The following PIH1D1 variants were observed in gnomAD, a reference collection of about 807,000 sequenced individuals.
PIH1D1 encodes the protein PIH1 domain containing 1.
PIH1D1 carries 28 observed loss-of-function variants against 38.5 expected under a neutral mutation model. That is an observed-to-expected ratio of 0.73 (90% CI 0.54 to 1.00). PIH1D1 has a LOEUF of 1.00. Ranked by LOEUF, PIH1D1 falls within the 50% of genes least tolerant of loss-of-function variation. PIH1D1 has a pLI of 0.00. For missense variants in PIH1D1, 343 were observed against 369.9 expected, an observed-to-expected ratio of 0.93 and a Z score of 0.60; for synonymous variants, 155 against 153.5, an observed-to-expected ratio of 1.01 and a Z score of -0.07.
chr19:49,451,673 C>G lies in PIH1D1; in HGVS notation c.-99G>C. ...TGCCTGCTCTGGCCCTCAATCGACT[C>G]CGGATACCTACTATCCTGTTCAAAA... On this transcript the variant is annotated 5_prime_UTR_variant, in exon 1 of 9. Coordinates refer to ENST00000262265, the MANE Select transcript of PIH1D1 (RefSeq NM_017916.3). The G allele has an allele frequency of 1.3e-6, 2 of 1,537,586 alleles. No individual in the cohort carries two copies. The highest frequency in any genetic ancestry group is 1.7e-6 in the Non-Finnish European group (2 of 1,146,878).
At chr19:49,448,223 C>T (rs900797165) in intron 3 of PIH1D1, 161 bp from the exon 4 acceptor site, 4 of 670,116 alleles carry the variant, frequency 6.0e-6, no homozygotes, top group African/African-American at 1.8e-5. Context: ...CTGGACTCTC[C>T]GCCCAGCCTC....
intron 7 of PIH1D1, 106 bp downstream of exon 7, chr19:49,446,918 C>G: frequency 8.7e-7 from 1 of 1,150,900 alleles, no homozygotes; most frequent in African/African-American, 1.5e-5. Context: ...GCAGAGAGGA[C>G]GCAACTGACA....
Position 49,451,585 on chromosome 19 carries a change from A to T in PIH1D1, c.-11T>A. The T allele has an allele frequency of 6.2e-7, 1 of 1,612,476 alleles. No homozygotes were observed. Among genetic ancestry groups the T allele is most frequent in the Non-Finnish European group, 8.5e-7 (1 of 1,179,826 alleles). ...CTTCGGGTTCGCCATGGCCCTGGGA[A>T]AGAGATCTAGGCGTCCTCGAGACCC... On this transcript the variant is annotated 5_prime_UTR_variant, in exon 1 of 9. Coordinates refer to ENST00000262265, the MANE Select transcript of PIH1D1 (RefSeq NM_017916.3).
intron 2 of PIH1D1, 139 bp from the exon 3 acceptor site, chr19:49,449,793 T>TC: frequency 2.0e-6 from 1 of 502,168 alleles, no homozygotes; most frequent in Non-Finnish European, 3.4e-6. Flanking sequence ...CCCTCACTTC[T>TC]CTTTTTTTTT....
rs775047091 is a variant in PIH1D1 at position 49,446,552 on chromosome 19, T to C, written c.830A>G (p.Lys277Arg). Residue 277 changes from lysine to arginine, a missense_variant and splice_region_variant, in exon 8 of 9, where the codon AAG becomes AGG. Coordinates refer to ENST00000262265, the MANE Select transcript of PIH1D1 (RefSeq NM_017916.3). ...ESKAAFHRKRKQLMVAMPLLP... is the reference protein window; with the variant it reads ...ESKAAFHRKRRQLMVAMPLLP... ...TCCCCAAGCCCCTCCCCCAGGCACCTTTCTCTTCCGGTGGAAGGCTGCCTT... is the reference window on the plus strand; with the variant it reads ...TCCCCAAGCCCCTCCCCCAGGCACCCTTCTCTTCCGGTGGAAGGCTGCCTT... 3 of 1,613,488 alleles carry C rather than the reference T, an allele frequency of 1.9e-6. No homozygotes were observed. Among genetic ancestry groups the C allele is most frequent in the Non-Finnish European group, 2.5e-6 (3 of 1,179,808 alleles).
chr19:49,447,355 G>A lies in PIH1D1; in HGVS notation c.594C>T (p.Pro198=), dbSNP rs765801971. Reference sequence around the variant, plus strand: ...AGGCCCACCCTGACTCAGCTCTCCCGGGGGCGGGCGTGTACAGGTCCCCCA... The same window carrying A: ...AGGCCCACCCTGACTCAGCTCTCCCAGGGGCGGGCGTGTACAGGTCCCCCA... The part of the protein sequence containing the change: ...QELGDLYTPA[P]GRAESGPEKP... Residue 198 remains proline (P), a synonymous_variant, in exon 6 of 9, where the codon CCC becomes CCT. Coordinates refer to ENST00000262265, the MANE Select transcript of PIH1D1 (RefSeq NM_017916.3). 3 of 1,613,524 alleles carry A rather than the reference G, an allele frequency of 1.9e-6. No individual in the cohort carries two copies. Among genetic ancestry groups the A allele is most frequent in the East Asian group, 2.2e-5 (1 of 44,870 alleles).
At chr19:49,450,373 G>A (rs1406828971) in intron 2 of PIH1D1, among the ~76,000 whole-genome samples, 1 of 151,974 alleles carries the variant, frequency 6.6e-6, no homozygotes, top group Non-Finnish European at 1.5e-5. Context: ...AATTACAGAT[G>A]TGAGCCACTG....
At position 49,447,809 on chromosome 19, in the gene PIH1D1, C is replaced by G. The variant is rs374068219; in HGVS notation, c.481+18G>C. On this transcript the variant is annotated intron_variant, in intron 5 of 8. Transcript: ENST00000262265. ...CCTGGCTCCACTCTTTCCCGAGGGC[C>G]CAGGACCTGCCCCTCACCCGGATTC... 8 of 1,612,906 alleles carry G rather than the reference C, an allele frequency of 5.0e-6. No individual in the cohort carries two copies. Among genetic ancestry groups the G allele is most frequent in the Non-Finnish European group, 6.8e-6 (8 of 1,178,956 alleles).
Position 49,447,888 on chromosome 19 carries a change from C to G in PIH1D1, c.420G>C (p.Glu140Asp). 1 of 1,614,200 alleles carries G rather than the reference C, an allele frequency of 6.2e-7. No homozygotes were observed. The highest frequency in any genetic ancestry group is 1.1e-5 in the South Asian group (1 of 91,082). ...CCTCCCTGGCGATGGTGATCACGAG[C>G]TCCCGCAAGAAATCGCTGTTCTGGG... is the stretch of plus-strand genomic sequence containing the variant. Reference protein sequence around the residue: ...RRMQNSDFLRELVITIAREGL... With the variant: ...RRMQNSDFLRDLVITIAREGL... Residue 140 changes from glutamate to aspartate, a missense_variant, in exon 5 of 9, where the codon GAG becomes GAC. Physicochemically the swap from Glu to Asp is conservative, Grantham distance 45. Transcript: ENST00000262265.
At chr19:49,451,342 T>C (rs772186463) in intron 1 of PIH1D1, 143 bp downstream of exon 1, 3 of 1,240,904 alleles carry the variant, frequency 2.4e-6, no homozygotes, top group East Asian at 4.9e-5. Context: ...CACTCCCATT[T>C]CTTAGCAAAC....
In PIH1D1 at chr19:49,446,680, C is replaced by A; in HGVS notation, c.702G>T (p.Gly234=). The part of the protein sequence containing the change: ...VDLPKLDGAL[G]LSLEIGENRL... ...GGTTCTCCCCGATCTCCAGCGACAGCCCCAGGGCTCCATCCTGGAGAGGTG... is the reference window on the plus strand; with the variant it reads ...GGTTCTCCCCGATCTCCAGCGACAGACCCAGGGCTCCATCCTGGAGAGGTG... Residue 234 remains glycine, a synonymous_variant, in exon 8 of 9, where the codon GGG becomes GGT. Transcript: ENST00000262265. 6.4e-7 allele frequency: 1 copy of A among 1,571,680 alleles called. No individual in the cohort carries two copies. Among genetic ancestry groups the A allele is most frequent in the South Asian group, 1.2e-5 (1 of 83,634 alleles).
chr19:49,447,727 CCAGGGCACCCTG>C, intron 5 of PIH1D1, 88 bp downstream of exon 5: 1 of 1,274,114 alleles, frequency 7.8e-7, no homozygotes, highest in Non-Finnish European at 1.1e-6. Flanking sequence ...AGCACAGACT[CCAGGGCACCCTG>C]CCCAAGCCAG....
chr19:49,446,538 C>T lies in PIH1D1; in HGVS notation c.831+13G>A, dbSNP rs746170554. 5 of 1,613,812 alleles carry T rather than the reference C, an allele frequency of 3.1e-6. No individual in the cohort carries two copies. Among genetic ancestry groups the T allele is most frequent in the Non-Finnish European group, 4.2e-6 (5 of 1,179,848 alleles). On this transcript the variant is annotated intron_variant, in intron 8 of 8. Transcript: ENST00000262265. ...CCAATGTCCCAGCTTCCCCAAGCCC[C>T]TCCCCCAGGCACCTTTCTCTTCCGG...
chr19:49,448,479 A>C, intron 3 of PIH1D1: 1 of 244,412 alleles, frequency 4.1e-6, no homozygotes, highest in Non-Finnish European at 8.2e-6. Flanking sequence ...ATCCAATCCA[A>C]TCATTCTCTC....
At chr19:49,448,086 G>A (rs2079036081) in intron 3 of PIH1D1, 24 bp from the exon 4 acceptor site, 1 of 1,611,182 alleles carries the variant, frequency 6.2e-7, no homozygotes, top group Non-Finnish European at 8.5e-7. Context: ...AAGGGGGTGA[G>A]GACCCCCCAG....
At position 49,446,602 on chromosome 19, in the gene PIH1D1, C is replaced by T. The variant is rs764167676; in HGVS notation, c.780G>A (p.Pro260=). 11 of 1,613,820 alleles carry T rather than the reference C, an allele frequency of 6.8e-6. No individual in the cohort carries two copies. Among genetic ancestry groups the T allele is most frequent in the Middle Eastern group, 1.6e-4 (1 of 6,084 alleles). ...QQLYHLDAYI[P]LQINSHESKA... ...TGCTCTCATGAGAGTTGATCTGCAG[C>T]GGGATATAAGCGTCTAGATGATACA... Residue 260 remains proline (P), a synonymous_variant, in exon 8 of 9, where the codon CCG becomes CCA. Transcript: ENST00000262265.
chr19:49,446,479 G>GC, intron 8 of PIH1D1, 56 bp from the exon 9 acceptor site: 2 of 1,510,308 alleles, frequency 1.3e-6, no homozygotes, highest in South Asian at 2.2e-5. Context: ...CCAGCTCCCA[G>GC]CCCCCCTCCC....
In PIH1D1 at chr19:49,446,615, T is replaced by A; in HGVS notation, c.767A>T (p.Asp256Val). ...MGGPQQLYHL[D>V]AYIPLQINSH... ...GTTGATCTGCAGCGGGATATAAGCG[T>A]CTAGATGATACAGCTGCTGGGGGCC... The change falls in exon 8 of 9, where the codon GAC (aspartate) becomes GTC (valine). Residue 256 changes from aspartate to valine, a missense_variant. By Grantham distance (152) the Asp-to-Val change is radical. Coordinates refer to ENST00000262265, the MANE Select transcript of PIH1D1 (RefSeq NM_017916.3). 4 of 1,613,092 alleles carry A rather than the reference T, an allele frequency of 2.5e-6. No homozygotes were observed. Among genetic ancestry groups the A allele is most frequent in the Non-Finnish European group, 3.4e-6 (4 of 1,179,620 alleles).
At chr19:49,448,163 G>A (rs2079036650) in intron 3 of PIH1D1, 101 bp from the exon 4 acceptor site, 1 of 1,173,712 alleles carries the variant, frequency 8.5e-7, no homozygotes. Flanking sequence ...GCGGCCGTAA[G>A]AAGCAGAGAG....
Sources: gnomAD v4.1 joint callset for allele counts (sites outside exome capture counted in the v4.1 genomes callset) on GRCh38, gnomAD v4.1.1 for gene constraint, MANE v1.5 for transcripts, NCBI Gene and HGNC (gene_info 2026-07-23, HGNC 2026-07-21) for gene names.